The following MVB12A variants were observed in gnomAD, a reference collection of about 807,000 sequenced individuals.
MVB12A encodes the protein multivesicular body subunit 12A.
Under a neutral mutation model 34.3 loss-of-function variants are expected in MVB12A, and 30 were observed. That is an observed-to-expected ratio of 0.88 (90% CI 0.65 to 1.19). MVB12A has a LOEUF of 1.19. Among genes scored for constraint, MVB12A ranks in the 50% most tolerant of loss-of-function variants. MVB12A has a pLI of 0.00. For missense variants in MVB12A, 355 were observed against 369.2 expected (o/e 0.96, Z 0.31); for synonymous variants, 158 against 158.9 (o/e 0.99, Z 0.04).
At chr19:17,422,163 C>T (rs1452690525) in intron 3 of MVB12A, 169 bp from the exon 4 acceptor site, 5 of 506,280 alleles carry the variant, frequency 9.9e-6, no homozygotes, top group African/African-American at 3.9e-5. Context: ...GGAATCCCCT[C>T]CTTCATCTAT....
chr19:17,406,551 A>C (rs1461408567), intron 2 of MVB12A, among the ~76,000 whole-genome samples: 1 of 151,860 alleles, frequency 6.6e-6, no homozygotes, highest in Non-Finnish European at 1.5e-5. Context: ...GCAGGGCCAG[A>C]CAGTAGGCGA....
chr19:17,410,927 C>CAA (rs777154734), intron 2 of MVB12A, among the ~76,000 whole-genome samples: 1,043 of 86,362 alleles, frequency 0.012, 15 homozygotes, highest in African/African-American at 0.028. Context: ...GACTCTGTCT[C>CAA]AAAAAAAAAA....
At chr19:17,424,512 G>T in intron 7 of MVB12A, 109 bp from the exon 8 acceptor site, 1 of 1,147,122 alleles carries the variant, frequency 8.7e-7, no homozygotes, top group East Asian at 2.6e-5. Flanking sequence ...AGGGATGTCC[G>T]AGGGAATATT....
At chr19:17,423,410 G>A in intron 4 of MVB12A, 88 bp from the exon 5 acceptor site, 2 of 1,441,536 alleles carry the variant, frequency 1.4e-6, no homozygotes, top group Non-Finnish European at 1.9e-6. Flanking sequence ...TCACCTGCAT[G>A]CCCGGGTCCC....
intron 1 of MVB12A, chr19:17,405,866 C>T (rs2074724247): frequency 1.2e-5 from 4 of 335,956 alleles, no homozygotes; most frequent in Admixed American, 4.7e-5. Flanking sequence ...CATCTTAAGT[C>T]CCTGTGCCTC....
chr19:17,423,399 G>A, intron 4 of MVB12A, 99 bp from the exon 5 acceptor site: 1 of 1,402,588 alleles, frequency 7.1e-7, no homozygotes, highest in Non-Finnish European at 9.6e-7. Context: ...AAAGACAGAG[G>A]TCACCTGCAT....
At chr19:17,415,391 C>G (rs372154741), upstream of MVB12A, 1 of 152,038 alleles carries the variant, frequency 6.6e-6, no homozygotes, top group Non-Finnish European at 1.5e-5. Flanking sequence ...AAACAATGTA[C>G]GAAGTTCCCA....
Position 17,420,206 on chromosome 19 carries a change from C to T in MVB12A, c.71C>T (p.Pro24Leu), listed in dbSNP as rs755912420. Residue 24 changes from proline to leucine, a missense_variant, in exon 1 of 9, where the codon CCG (proline) becomes CTG (leucine). Transcript: ENST00000317040. Reference protein sequence around the residue: ...GLAWSSASAPPPRGFSAISCT... With the variant: ...GLAWSSASAPLPRGFSAISCT... ...GCCTGGTCGTCGGCCTCTGCACCCC[C>T]GCCGCGGGGGTTCAGCGCGGTGAGC... The T allele has an allele frequency of 2.0e-6, 3 of 1,473,046 alleles. No homozygotes were observed. Among genetic ancestry groups the T allele is most frequent in the African/African-American group, 2.9e-5 (2 of 69,542 alleles). 91.2% of individuals were successfully genotyped at this position (1,473,046 alleles called of 1,614,324 possible).
At position 17,422,388 on chromosome 19, in the gene MVB12A, A is replaced by T. The variant is rs752086116; in HGVS notation, c.343A>T (p.Thr115Ser). The change falls in exon 4 of 9, where the codon ACG (threonine) becomes TCG (serine). Residue 115 changes from threonine to serine, a missense_variant. Transcript: ENST00000317040. Reference protein sequence around the residue: ...MCVKLLPLGATDTAVFDVRLS... With the variant: ...MCVKLLPLGASDTAVFDVRLS... The stretch of plus-strand genomic sequence containing the variant: ...TGTGAAGCTGTTGCCCCTGGGAGCC[A>T]CGGACACGGCTGTGTTTGATGTCCG... 1.5e-5 allele frequency: 24 copies of T among 1,613,488 alleles called. No individual in the cohort carries two copies. The highest frequency in any genetic ancestry group is 4.4e-5 in the South Asian group (4 of 91,030).
intron 2 of MVB12A, chr19:17,415,014 C>A (rs1240618101): frequency 6.6e-6 from 1 of 152,226 alleles, no homozygotes; most frequent in Non-Finnish European, 1.5e-5. Context: ...ACTAGCAAAA[C>A]CCTGCCTGTA....
intron 8 of MVB12A, 59 bp downstream of exon 8, chr19:17,424,736 C>T (rs2074859812): frequency 6.5e-7 from 1 of 1,545,776 alleles, no homozygotes; most frequent in Non-Finnish European, 8.8e-7. Flanking sequence ...GCCTGAGGGG[C>T]CGGCACCCGC....
At chr19:17,411,655 C>T (rs967130827) in intron 2 of MVB12A, among the ~76,000 whole-genome samples, 1 of 151,788 alleles carries the variant, frequency 6.6e-6, no homozygotes, top group African/African-American at 2.4e-5. Context: ...ACCATCACGC[C>T]CAGCTAAGTT....
intron 2 of MVB12A, among the ~76,000 whole-genome samples, chr19:17,410,592 A>ATATATATATACACATATATATATATACG (rs2074762595): frequency 8.4e-6 from 1 of 119,756 alleles, no homozygotes; most frequent in Non-Finnish European, 1.6e-5. Flanking sequence ...ATATATACAC[A>ATATATATATACACATATATATATATACG]CATATATATA....
chr19:17,412,870 G>A (rs1303395524), intron 2 of MVB12A, among the ~76,000 whole-genome samples: 3 of 152,276 alleles, frequency 2.0e-5, no homozygotes, highest in East Asian at 1.9e-4. Context: ...GTTTTGCACC[G>A]GGGAAAGTAA....
chr19:17,416,369 C>G (rs190490778), upstream of MVB12A, among the ~76,000 whole-genome samples: 242 of 150,542 alleles, frequency 1.6e-3, 3 homozygotes, highest in Admixed American at 0.015. Context: ...CTCAGCCTCC[C>G]AAAGTGCTGG....
At chr19:17,420,045 T>C, upstream of MVB12A, 1 of 291,336 alleles carries the variant, frequency 3.4e-6, no homozygotes, top group Non-Finnish European at 5.2e-6. Context: ...CTTCTGGGAG[T>C]TGTAGTTCGG....
intron 7 of MVB12A, 96 bp from the exon 8 acceptor site, chr19:17,424,525 G>T: frequency 8.1e-7 from 1 of 1,238,518 alleles, no homozygotes; most frequent in South Asian, 1.3e-5. Flanking sequence ...GGAATATTCG[G>T]GGAGTGTTGG....
At chr19:17,418,887 C>CAAAAAAAAAAAAA (rs55726391), upstream of MVB12A, 4 of 82,142 alleles carry the variant, frequency 4.9e-5, 2 homozygotes, top group Non-Finnish European at 9.3e-5. Flanking sequence ...ATTGTAAGTC[C>CAAAAAAAAAAAAA]AAAAAAAAAA....
At position 17,410,496 on chromosome 19, in the gene MVB12A, T is replaced by TTATATATGTG. The variant is rs1568387298; in HGVS notation, c.-5+4200_-5+4201insTATATATGTG. Among the ~76,000 whole-genome samples the TTATATATGTG allele has an allele frequency of 8.2e-3, 258 of 31,430 alleles. 8 individuals carry two copies. The highest frequency in any genetic ancestry group is 0.03 in the Middle Eastern group (2 of 66). The allele number at this position is 31,430 out of a possible 152,430, so 20.6% of individuals were successfully genotyped here. A position where few individuals can be genotyped will look rare whatever the true frequency, so the allele number is the denominator to read the frequency against. On this transcript the variant is annotated intron_variant, in intron 2 of 6. Coordinates refer to the MVB12A transcript ENST00000528604. Reference sequence around the variant, plus strand: ...CGCTAGCATTCTTTTGGTTTTAGCTTCATATATATATATATATATATATAT... The same window carrying TTATATATGTG: ...CGCTAGCATTCTTTTGGTTTTAGCTTTATATATGTGCATATATATATATATATATATATAT...
Sources: allele counts gnomAD v4.1 joint callset (sites outside exome capture counted in the v4.1 genomes callset), GRCh38; gene constraint gnomAD v4.1.1; transcripts MANE v1.5; gene names NCBI Gene and HGNC (gene_info 2026-07-23, HGNC 2026-07-21).